Variants in PLAA observed in about 807,000 individuals in gnomAD.
PLAA encodes the protein phospholipase A-2-activating protein.
A neutral mutation model predicts 84.1 loss-of-function variants in PLAA; 48 were observed. The observed-to-expected ratio is 0.57, with a 90% CI of 0.45 to 0.73. The LOEUF (loss-of-function observed/expected upper bound fraction) is 0.73. Ranked by LOEUF, PLAA falls within the 30% of genes least tolerant of loss-of-function variation. PLAA has a pLI of 0.00. For missense variants in PLAA, 903 were observed against 954.7 expected (o/e 0.95, Z 0.71); for synonymous variants, 392 against 336.6 (o/e 1.16, Z -1.80).
intron 11 of PLAA, among the ~76,000 whole-genome samples, chr9:26,911,345 G>A (rs1239893247): frequency 6.6e-6 from 1 of 152,194 alleles, no homozygotes. Flanking sequence ...TAGAGACAGG[G>A]TTTCACCACA....
At chr9:26,921,570 C>T (rs1050455986) in intron 7 of PLAA, among the ~76,000 whole-genome samples, 17 of 152,194 alleles carry the variant, frequency 1.1e-4, no homozygotes, top group Middle Eastern at 3.2e-3. Context: ...AAAGAGAAGA[C>T]AAGTCTTTTC....
chr9:26,938,538 G>A (rs1043830651), intron 1 of PLAA, among the ~76,000 whole-genome samples: 1 of 135,202 alleles, frequency 7.4e-6, no homozygotes, highest in African/African-American at 2.8e-5. Flanking sequence ...GGCCAAAAGA[G>A]TAAGACACCA....
chr9:26,932,549 C>T (rs1660066828), intron 2 of PLAA, among the ~76,000 whole-genome samples: 1 of 152,162 alleles, frequency 6.6e-6, no homozygotes, highest in African/African-American at 2.4e-5. Flanking sequence ...TGAGAGCAAC[C>T]ATATGGCCTG....
intron 11 of PLAA, among the ~76,000 whole-genome samples, chr9:26,912,003 G>A (rs1824416242): frequency 6.6e-6 from 1 of 152,064 alleles, no homozygotes; most frequent in African/African-American, 2.4e-5. Context: ...TTACAGTCTA[G>A]GAGCTGTGTT....
intron 12 of PLAA, among the ~76,000 whole-genome samples, chr9:26,908,254 C>T (rs963847287): frequency 1.3e-4 from 20 of 148,220 alleles, no homozygotes; most frequent in African/African-American, 4.8e-4. Context: ...TGCAAGCTCG[C>T]CCCCCAGGTT....
In PLAA at chr9:26,905,417, G is replaced by T; in HGVS notation, c.*94C>A. On this transcript the variant is annotated 3_prime_UTR_variant, in exon 14 of 14. Coordinates refer to ENST00000397292, the MANE Select transcript of PLAA (RefSeq NM_001031689.3). ...GATGTAAAATTTTACTTAATCCACC[G>T]TATTCTCTTTTTTTAATTATCTGTT... 2 of 979,834 alleles carry T rather than the reference G, an allele frequency of 2.0e-6. No individual in the cohort carries two copies. Among genetic ancestry groups the T allele is most frequent in the South Asian group, 3.3e-5 (2 of 59,738 alleles). 60.7% of individuals were successfully genotyped at this position (979,834 alleles called of 1,614,324 possible).
Position 26,907,923 on chromosome 9 carries a change from T to G in PLAA, c.1733A>C (p.Lys578Thr). ...ACTATTACATATTAGAGACAGTATC[T>G]TCTCAAGAAGTATCAAGTCATCCTC... Reference protein sequence around the residue: ...LTEDDLILLEKILSLICNSSS... With the variant: ...LTEDDLILLETILSLICNSSS... The change falls in exon 13 of 14, where the codon AAG (lysine) becomes ACG (threonine). Residue 578 changes from lysine (K) to threonine (T), a missense_variant. By Grantham distance (78) the Lys-to-Thr change is moderately conservative. Transcript: ENST00000397292. The G allele has an allele frequency of 6.2e-7, 1 of 1,611,058 alleles. No individual in the cohort carries two copies. Among genetic ancestry groups the G allele is most frequent in the Non-Finnish European group, 8.5e-7 (1 of 1,178,924 alleles).
intron 12 of PLAA, among the ~76,000 whole-genome samples, chr9:26,909,209 T>C (rs1824326198): frequency 6.6e-6 from 1 of 152,188 alleles, no homozygotes; most frequent in African/African-American, 2.4e-5. Context: ...AAATCAATTA[T>C]AAATGGAAAC....
chr9:26,913,322 G>A (rs1053883111), intron 11 of PLAA, among the ~76,000 whole-genome samples: 5 of 152,158 alleles, frequency 3.3e-5, no homozygotes, highest in African/African-American at 1.2e-4. Context: ...AGTGAGGTAT[G>A]TCAGACTGTA....
At chr9:26,930,847 T>C (rs2131403319) in intron 2 of PLAA, among the ~76,000 whole-genome samples, 1 of 151,952 alleles carries the variant, frequency 6.6e-6, no homozygotes, top group Non-Finnish European at 1.5e-5. Context: ...CCTCCCAAAG[T>C]GCTGGGATTA....
chr9:26,933,062 G>A (rs1825236651), intron 2 of PLAA, among the ~76,000 whole-genome samples: 1 of 152,126 alleles, frequency 6.6e-6, no homozygotes, highest in African/African-American at 2.4e-5. Context: ...AAGGTCAAGA[G>A]ATCGACACCA....
rs764801859 is a variant in PLAA, at chr9:26,917,137, C to T, written c.1446G>A (p.Ser482=). Reference sequence around the variant, plus strand: ...CTGTGGGTAGTGTGTTAGAAGATCCCGAAGAGCCCGGAACATACCGACCAC... The same window carrying T: ...CTGTGGGTAGTGTGTTAGAAGATCCTGAAGAGCCCGGAACATACCGACCAC... The part of the protein sequence containing the change: ...TGGGRYVPGS[S]GSSNTLPTAD... The change falls in exon 10 of 14, where the codon TCG becomes TCA. Residue 482 remains serine (S), a synonymous_variant. Coordinates refer to ENST00000397292, the MANE Select transcript of PLAA (RefSeq NM_001031689.3). 1.8e-5 allele frequency: 29 copies of T among 1,613,656 alleles called. No individual in the cohort carries two copies. The highest frequency in any genetic ancestry group is 3.3e-5 in the Admixed American group (2 of 59,978).
At chr9:26,927,127 C>CTTTTTTTTTTTTTTTTTT (rs10672584) in intron 4 of PLAA, among the ~76,000 whole-genome samples, 2 of 136,782 alleles carry the variant, frequency 1.5e-5, no homozygotes, top group African/African-American at 2.8e-5. Flanking sequence ...TTTTGTTTTT[C>CTTTTTTTTTTTTTTTTTT]TTTTTTTTTT....
At position 26,904,398 on chromosome 9, in the gene PLAA, T is replaced by C. The variant is rs1824167562; in HGVS notation, c.*1113A>G. On this transcript the variant is annotated 3_prime_UTR_variant, in exon 14 of 14. Transcript: ENST00000397292. ...CAGACACAATAAATTGTGTAATTAA[T>C]GTGATGGTTCCTTCTTTGTGTTAAT... 3 of 152,196 alleles carry C rather than the reference T, an allele frequency of 2.0e-5. No individual in the cohort carries two copies. The highest frequency in any genetic ancestry group is 4.1e-4 in the South Asian group (2 of 4,826). The allele number at this position is 152,196 out of a possible 1,614,324, so 9.4% of individuals were successfully genotyped here. A position where few individuals can be genotyped will look rare whatever the true frequency, so the allele number is the denominator to read the frequency against.
intron 1 of PLAA, among the ~76,000 whole-genome samples, chr9:26,945,935 G>A (rs1825685539): frequency 6.6e-6 from 1 of 152,170 alleles, no homozygotes; most frequent in East Asian, 1.9e-4. Context: ...TCACATGCCA[G>A]TTTTTAATTA....
At position 26,919,321 on chromosome 9, in the gene PLAA, T is replaced by G. The variant is rs899749285; in HGVS notation, c.1406A>C (p.Asp469Ala). ...AAACACTAACTTACCTGTAAATGGA[T>G]CTGAAAAGCTGGGATTCCCAAGTCC... ...MLGLGNPSFS[D>A]PFTGGGRYVP... The change falls in exon 9 of 14, where the codon GAT (aspartate) becomes GCT (alanine). Residue 469 changes from aspartate to alanine, a missense_variant. Physicochemically the swap from Asp to Ala is moderately radical, Grantham distance 126. Coordinates refer to ENST00000397292, the MANE Select transcript of PLAA (RefSeq NM_001031689.3). 6.2e-7 allele frequency: 1 copy of G among 1,606,242 alleles called. No homozygotes were observed. The highest frequency in any genetic ancestry group is 8.5e-7 in the Non-Finnish European group (1 of 1,175,470).
intron 10 of PLAA, among the ~76,000 whole-genome samples, chr9:26,914,905 A>G (rs900268752): frequency 3.3e-5 from 5 of 152,152 alleles, no homozygotes; most frequent in Non-Finnish European, 5.9e-5. Context: ...CTTTAGAAAC[A>G]CTTGGGGAAC....
At chr9:26,936,658 A>T (rs1368382275) in intron 1 of PLAA, among the ~76,000 whole-genome samples, 1 of 152,208 alleles carries the variant, frequency 6.6e-6, no homozygotes, top group African/African-American at 2.4e-5. Flanking sequence ...CCTTGCTCAC[A>T]GCTGTAGGAA....
At chr9:26,906,274 T>G (rs965754183) in intron 13 of PLAA, among the ~76,000 whole-genome samples, 198 bp from the exon 14 acceptor site, 1 of 152,176 alleles carries the variant, frequency 6.6e-6, no homozygotes, top group Non-Finnish European at 1.5e-5. Context: ...ACTAGATTTA[T>G]TGCTGTAAGA....
Sources: allele counts gnomAD v4.1 joint callset (sites outside exome capture counted in the v4.1 genomes callset), GRCh38; gene constraint gnomAD v4.1.1; transcripts MANE v1.5; gene names NCBI Gene and HGNC (gene_info 2026-07-23, HGNC 2026-07-21).